Variants in PDE10A observed in about 807,000 individuals in gnomAD.
The protein encoded by PDE10A is phosphodiesterase 10A.
PDE10A carries 39 observed loss-of-function variants against 97.7 expected under a neutral mutation model. That is an observed-to-expected ratio of 0.40 (90% CI 0.31 to 0.52). The LOEUF (loss-of-function observed/expected upper bound fraction) is 0.52, where lower values mean the gene tolerates loss of function less well. Among genes scored for constraint, PDE10A ranks in the 20% least tolerant of loss-of-function variants. The pLI, the probability that PDE10A is intolerant of heterozygous loss-of-function variation, is 0.56. For missense variants in PDE10A, 731 were observed against 1,047.8 expected, an observed-to-expected ratio of 0.70 and a Z score of 4.17; for synonymous variants, 371 against 376.8, an observed-to-expected ratio of 0.98 and a Z score of 0.18.
chr6:165,580,065 T>C (rs1489578519), intron 1 of PDE10A, among the ~76,000 whole-genome samples: 1 of 152,224 alleles, frequency 6.6e-6, no homozygotes, highest in African/African-American at 2.4e-5. Flanking sequence ...TTGCTGTCCA[T>C]TTATTTTACT....
intron 2 of PDE10A, among the ~76,000 whole-genome samples, chr6:165,518,465 C>T (rs184773934): frequency 2.4e-4 from 37 of 152,332 alleles, no homozygotes; most frequent in Non-Finnish European, 3.8e-4. Context: ...TGTCCAGAGT[C>T]TCCACGCTGC....
chr6:165,500,341 A>C (rs1010277786), intron 2 of PDE10A, among the ~76,000 whole-genome samples: 2 of 152,202 alleles, frequency 1.3e-5, no homozygotes, highest in African/African-American at 2.4e-5. Context: ...TAGACATAAG[A>C]GACTCCATTT....
intron 1 of PDE10A, among the ~76,000 whole-genome samples, chr6:165,776,564 C>G (rs1401484348): frequency 1.3e-5 from 2 of 152,212 alleles, no homozygotes; most frequent in East Asian, 3.8e-4. Flanking sequence ...TAATGGCATT[C>G]ATCACTTACA....
At chr6:165,854,501 C>T (rs1038148588) in intron 1 of PDE10A, among the ~76,000 whole-genome samples, 5 of 152,200 alleles carry the variant, frequency 3.3e-5, no homozygotes, top group Non-Finnish European at 7.4e-5. Flanking sequence ...GCGGCTCTCG[C>T]GGCCAGACAA....
chr6:165,656,156 A>G (rs904838609), intron 1 of PDE10A, among the ~76,000 whole-genome samples: 2 of 151,756 alleles, frequency 1.3e-5, no homozygotes, highest in South Asian at 4.2e-4. Context: ...TGCTTAACAC[A>G]TAGTAGGGGC....
At chr6:165,367,254 TG>T (rs1783836371) in intron 18 of PDE10A, among the ~76,000 whole-genome samples, 1 of 151,790 alleles carries the variant, frequency 6.6e-6, no homozygotes, top group Admixed American at 6.6e-5. Flanking sequence ...TGTGTGTGTG[TG>T]TGTGTGTGCG....
chr6:165,620,331 G>T (rs919392484), intron 1 of PDE10A, among the ~76,000 whole-genome samples: 2 of 152,170 alleles, frequency 1.3e-5, no homozygotes, highest in Non-Finnish European at 2.9e-5. Context: ...GTGATGATGG[G>T]GGGGTAGAAA....
chr6:165,525,770 T>C (rs1400927301), intron 2 of PDE10A, among the ~76,000 whole-genome samples: 1 of 152,154 alleles, frequency 6.6e-6, no homozygotes, highest in African/African-American at 2.4e-5. Flanking sequence ...TGGGTGTAGA[T>C]ACTATAATGG....
At chr6:165,537,735 G>A (rs896948955) in intron 2 of PDE10A, among the ~76,000 whole-genome samples, 1 of 151,662 alleles carries the variant, frequency 6.6e-6, no homozygotes, top group Non-Finnish European at 1.5e-5. Flanking sequence ...TTATAATTCA[G>A]ATCAAGACAT....
chr6:165,498,423 CAAAAAAAAAAAAAAAAAAAAAAAAAAAAA>C (rs35069498), intron 2 of PDE10A, among the ~76,000 whole-genome samples: 12 of 22,886 alleles, frequency 5.2e-4, no homozygotes, highest in South Asian at 5.0e-3. Context: ...ACCCTGTCTC[CAAAAAAAAAAAAAAAAAAAAAAAAAAAAA>C]AAAAAAAAAA....
chr6:165,953,945 A>G (rs1784051351), intron 1 of PDE10A, among the ~76,000 whole-genome samples: 1 of 152,194 alleles, frequency 6.6e-6, no homozygotes, highest in African/African-American at 2.4e-5. Context: ...AGCCCCGGCA[A>G]CCACTGATCT....
In PDE10A at chr6:165,716,527, C is replaced by G. The variant is rs761680572; in HGVS notation, c.-614-172959G>C. Among the ~76,000 whole-genome samples, 8 of 152,186 alleles carry G rather than the reference C, an allele frequency of 5.3e-5. 1 individual carries two copies. Among genetic ancestry groups the G allele is most frequent in the Admixed American group, 3.9e-4 (6 of 15,290 alleles). ...TATTGGAGTTAATGATTAGCACCAT[C>G]AGTGACTTGGGAGCAGTTTCAATGG... On this transcript the variant is annotated intron_variant, in intron 1 of 19. Coordinates refer to the PDE10A transcript ENST00000366882.
intron 1 of PDE10A, among the ~76,000 whole-genome samples, chr6:165,618,459 G>A (rs567268774): frequency 3.9e-5 from 6 of 152,222 alleles, no homozygotes; most frequent in African/African-American, 1.4e-4. Flanking sequence ...ATCTCCATCA[G>A]CCTTCCTCTT....
intron 1 of PDE10A, among the ~76,000 whole-genome samples, chr6:165,788,307 C>T (rs1390327892): frequency 5.3e-5 from 8 of 151,836 alleles, no homozygotes; most frequent in Non-Finnish European, 7.4e-5. Context: ...CACCTGAGGT[C>T]GGGAGTTGGA....
intron 2 of PDE10A, among the ~76,000 whole-genome samples, chr6:165,541,853 A>G (rs1783459189): frequency 6.6e-6 from 1 of 152,134 alleles, no homozygotes; most frequent in South Asian, 2.1e-4. Flanking sequence ...TACACATACA[A>G]ACACATTCAC....
At chr6:165,891,204 A>T (rs74800915) in intron 1 of PDE10A, among the ~76,000 whole-genome samples, 1 of 152,162 alleles carries the variant, frequency 6.6e-6, no homozygotes. Context: ...GCTTTCATTT[A>T]TGTCAATTCT....
At chr6:165,654,802 C>T (rs1789855379) in intron 1 of PDE10A, among the ~76,000 whole-genome samples, 1 of 152,184 alleles carries the variant, frequency 6.6e-6, no homozygotes. Context: ...CTCCTGGCTG[C>T]TGGAACTCAC....
intron 1 of PDE10A, among the ~76,000 whole-genome samples, chr6:165,568,190 G>A (rs1010703193): frequency 2.6e-5 from 4 of 152,008 alleles, no homozygotes; most frequent in East Asian, 1.9e-4. Flanking sequence ...TAGTAGAGAC[G>A]GGGTTTCACC....
At chr6:165,833,695 G>C (rs947460369) in intron 1 of PDE10A, among the ~76,000 whole-genome samples, 1 of 152,236 alleles carries the variant, frequency 6.6e-6, no homozygotes, top group East Asian at 1.9e-4. Context: ...AATTCTTCTC[G>C]AGATGTTCTT....
Sources: allele counts gnomAD v4.1 joint callset (sites outside exome capture counted in the v4.1 genomes callset), GRCh38; gene constraint gnomAD v4.1.1; transcripts MANE v1.5; gene names NCBI Gene and HGNC (gene_info 2026-07-23, HGNC 2026-07-21).